KAT6A: variants seen among roughly 807,000 people sequenced by gnomAD.
KAT6A encodes lysine acetyltransferase 6A, also known as histone acetyltransferase KAT6A.
A neutral mutation model predicts 198.4 loss-of-function variants in KAT6A; 9 were observed. That is an observed-to-expected ratio of 0.05 (90% CI 0.03 to 0.08). KAT6A has a LOEUF of 0.08. Among genes scored for constraint, KAT6A ranks in the 10% least tolerant of loss-of-function variants. The probability of loss-of-function intolerance (pLI) is 1.00; values close to 1 mark genes in which losing one functional copy is unlikely to be tolerated. For missense variants in KAT6A, 2,077 were observed against 2,509.9 expected, an observed-to-expected ratio of 0.83 and a Z score of 3.69; for synonymous variants, 890 against 883.0, an observed-to-expected ratio of 1.01 and a Z score of -0.14.
chr8:41,932,949 C>T lies in KAT6A; in HGVS notation c.5271G>A (p.Gln1757=). Residue 1757 remains glutamine, a synonymous_variant, in exon 17 of 17, where the codon CAG becomes CAA. Coordinates refer to ENST00000265713, the MANE Select transcript of KAT6A (RefSeq NM_006766.5). The part of the protein sequence containing the change: ...PSATFSLAKL[Q]QLTNTIMDPH... ...GGTCCATAATGGTGTTGGTCAGCTG[C>T]TGCAGCTTGGCTAGGCTGAAGGTGG... 1 of 1,614,164 alleles carries T rather than the reference C, an allele frequency of 6.2e-7. No homozygotes were observed. Among genetic ancestry groups the T allele is most frequent in the Non-Finnish European group, 8.5e-7 (1 of 1,180,020 alleles).
At chr8:42,004,033 A>G (rs146845776) in intron 2 of KAT6A, among the ~76,000 whole-genome samples, 38 of 152,352 alleles carry the variant, frequency 2.5e-4, no homozygotes, top group South Asian at 1.9e-3. Flanking sequence ...GTAGTCAGCT[A>G]GTGAAATCAC....
At position 41,930,295 on chromosome 8, in the gene KAT6A, G is replaced by T. The variant is rs922781515; in HGVS notation, c.*1910C>A. 1.5e-4 allele frequency: 21 copies of T among 136,678 alleles called. No individual in the cohort carries two copies. The highest frequency in any genetic ancestry group is 6.7e-4 in the African/African-American group (21 of 31,160). The allele number at this position is 136,678 out of a possible 1,614,324, so 8.5% of individuals were successfully genotyped here. ...ACCAGGAAGCAATGACACAGCTGAA[G>T]ATGTAGGGCGATGGCAGCACAGTGC... On this transcript the variant is annotated 3_prime_UTR_variant, in exon 17 of 17. Coordinates refer to ENST00000265713, the MANE Select transcript of KAT6A (RefSeq NM_006766.5).
chr8:42,002,068 G>A (rs1035637103), intron 2 of KAT6A, among the ~76,000 whole-genome samples: 2 of 152,158 alleles, frequency 1.3e-5, no homozygotes, highest in Non-Finnish European at 2.9e-5. Flanking sequence ...AGCATCTACT[G>A]AGAACTTAAT....
rs189459867 is a variant in KAT6A at position 41,934,870 on chromosome 8, A to G, written c.3353-3T>C. The G allele has an allele frequency of 2.5e-6, 4 of 1,576,800 alleles. No homozygotes were observed. The highest frequency in any genetic ancestry group is 2.0e-5 in the Admixed American group (1 of 50,836). On this transcript the variant is annotated splice_region_variant and splice_polypyrimidine_tract_variant and intron_variant, in intron 16 of 16. Coordinates refer to ENST00000265713, the MANE Select transcript of KAT6A (RefSeq NM_006766.5). Reference sequence around the variant, plus strand: ...TACTGGCTTTAAGATAGGAGTGTCTATACAGGAAGGAAAAAAAACAAAGAC... The same window carrying G: ...TACTGGCTTTAAGATAGGAGTGTCTGTACAGGAAGGAAAAAAAACAAAGAC...
intron 16 of KAT6A, among the ~76,000 whole-genome samples, chr8:41,936,025 T>G (rs1314797299): frequency 6.6e-6 from 1 of 151,818 alleles, no homozygotes; most frequent in African/African-American, 2.4e-5. Context: ...ACTTTGGGAG[T>G]CCAAGGCGGG....
intron 8 of KAT6A, among the ~76,000 whole-genome samples, chr8:41,968,252 T>C (rs1384947967): frequency 6.6e-6 from 1 of 152,086 alleles, no homozygotes; most frequent in Non-Finnish European, 1.5e-5. Flanking sequence ...ATACAGAATC[T>C]ACAATGAACT....
At chr8:42,022,373 A>C (rs992000417) in intron 2 of KAT6A, among the ~76,000 whole-genome samples, 8 of 81,352 alleles carry the variant, frequency 9.8e-5, no homozygotes, top group African/African-American at 5.9e-4. Context: ...GCAACATAGT[A>C]ACAGTTTAAA....
At chr8:42,032,871 C>CTTTTTTTTTTTTTTTTTTT in intron 2 of KAT6A, among the ~76,000 whole-genome samples, 1 of 76,518 alleles carries the variant, frequency 1.3e-5, no homozygotes, top group Non-Finnish European at 2.4e-5. Flanking sequence ...AAAACCTTGG[C>CTTTTTTTTTTTTTTTTTTT]TTTTTTTTTT....
At chr8:41,957,103 T>C (rs760606786) in intron 8 of KAT6A, 2 of 605,128 alleles carry the variant, frequency 3.3e-6, no homozygotes, top group South Asian at 2.8e-5. Context: ...CCCGCTGCTC[T>C]TCTAGGCGGA....
In KAT6A at chr8:41,987,479, A is replaced by C; in HGVS notation, c.685T>G (p.Ser229Ala). Residue 229 changes from serine (S) to alanine (A), a missense_variant, in exon 3 of 17, where the codon TCC becomes GCC. Ser to Ala is a moderately conservative substitution (Grantham distance 99). Coordinates refer to ENST00000265713, the MANE Select transcript of KAT6A (RefSeq NM_006766.5). ...CCACTGTTGCCACAGTCGGCACAGG[A>C]GATGAGTTCCTCTGGCTTCTTTTCT... ...NREKKPEELI[S>A]CADCGNSGHP... 1 of 1,609,284 alleles carries C rather than the reference A, an allele frequency of 6.2e-7. No homozygotes were observed. Among genetic ancestry groups the C allele is most frequent in the Non-Finnish European group, 8.5e-7 (1 of 1,175,544 alleles).
rs1827593126 is a variant in KAT6A at position 42,040,304 on chromosome 8, T to C, written c.600+8074A>G. ...ACGAGGTTAAGACCATTAGAACCTC[T>C]GGATTTCTATTCCTGAAGCCATTTG... is the stretch of plus-strand genomic sequence containing the variant. On this transcript the variant is annotated intron_variant, in intron 2 of 16. Coordinates refer to ENST00000265713, the MANE Select transcript of KAT6A (RefSeq NM_006766.5). 2.0e-5 allele frequency among the ~76,000 whole-genome samples: 3 copies of C among 152,340 alleles called. No homozygotes were observed. In the South Asian group the frequency reaches 6.2e-4, roughly 32 times the overall value.
chr8:41,988,249 G>A (rs543925590), intron 2 of KAT6A, among the ~76,000 whole-genome samples: 4 of 152,136 alleles, frequency 2.6e-5, no homozygotes, highest in African/African-American at 9.6e-5. Flanking sequence ...AGTCTGGTAA[G>A]GCCAATGCTT....
intron 2 of KAT6A, among the ~76,000 whole-genome samples, chr8:42,046,775 T>C (rs933105845): frequency 6.6e-6 from 1 of 152,150 alleles, no homozygotes; most frequent in Non-Finnish European, 1.5e-5. Context: ...TAATTACTTG[T>C]CTACCCTGAA....
intron 2 of KAT6A, among the ~76,000 whole-genome samples, chr8:42,022,065 G>A (rs140852179): frequency 1.1e-4 from 17 of 151,996 alleles, no homozygotes; most frequent in East Asian, 3.9e-4. Flanking sequence ...AATATACTAC[G>A]GCAAATCGTT....
chr8:41,955,855 C>G (rs1169389905), intron 8 of KAT6A, among the ~76,000 whole-genome samples: 1 of 152,146 alleles, frequency 6.6e-6, no homozygotes, highest in Admixed American at 6.5e-5. Context: ...TATGTAAGCA[C>G]ACAAAGGATG....
At chr8:42,016,682 T>C (rs1402126479) in intron 2 of KAT6A, among the ~76,000 whole-genome samples, 1 of 152,100 alleles carries the variant, frequency 6.6e-6, no homozygotes, top group Non-Finnish European at 1.5e-5. Flanking sequence ...GATACAGAGA[T>C]ATACAAGTAG....
At position 41,933,909 on chromosome 8, in the gene KAT6A, A is replaced by G. The variant is rs34692005; in HGVS notation, c.4311T>C (p.Ser1437=). Residue 1437 remains serine, a synonymous_variant, in exon 17 of 17, where the codon AGT becomes AGC. Coordinates refer to ENST00000265713, the MANE Select transcript of KAT6A (RefSeq NM_006766.5). This position sits in a 1 kb window ranked among gnomAD's most constrained non-coding sequence, Gnocchi z 6.2. The part of the protein sequence containing the change: ...AVQSLTQEES[S]EHEGAYQDCE... ...AGTCCTGGTAGGCGCCCTCATGCTC[A>G]CTGCTTTCTTCTTGAGTCAAAGACT... 1.2e-6 allele frequency: 2 copies of G among 1,613,952 alleles called. No individual in the cohort carries two copies. Among genetic ancestry groups the G allele is most frequent in the African/African-American group, 2.7e-5 (2 of 74,888 alleles).
In KAT6A at chr8:41,933,608, C is replaced by T. The variant is rs765950779; in HGVS notation, c.4612G>A (p.Val1538Ile). The T allele has an allele frequency of 6.8e-6, 11 of 1,614,010 alleles. No homozygotes were observed. Among genetic ancestry groups the T allele is most frequent in the Middle Eastern group, 1.6e-4 (1 of 6,084 alleles). The change falls in exon 17 of 17, where the codon GTA (valine) becomes ATA (isoleucine). Residue 1538 changes from valine to isoleucine, a missense_variant. Physicochemically the swap from Val to Ile is conservative, Grantham distance 29. Transcript: ENST00000265713. This position sits in a 1 kb window ranked among gnomAD's most constrained non-coding sequence, Gnocchi z 6.2. ...ETSPMMDVPS[V>I]SDHSQQVVDS... is the part of the protein sequence containing the mutation. ...ACCACCTGCTGAGAGTGGTCTGATA[C>T]GGAAGGCACATCCATCATGGGGCTG...
rs371108407 is a variant in KAT6A at position 42,032,294 on chromosome 8, G to A, written c.600+16084C>T. On this transcript the variant is annotated intron_variant, in intron 2 of 16. Transcript: ENST00000265713. ...ATATAATTCTGACTAAGTAAAACTT[G>A]GCAATCATAGCACCTGGACTGCCTA... Among the ~76,000 whole-genome samples the A allele has an allele frequency of 5.3e-5, 8 of 152,144 alleles. No homozygotes were observed. In the East Asian group the frequency reaches 1.4e-3, roughly 26 times the overall value.
Sources: gnomAD v4.1 joint callset for allele counts (sites outside exome capture counted in the v4.1 genomes callset) on GRCh38, gnomAD v4.1.1 for gene constraint, Gnocchi (gnomAD v3.1) non-coding constraint, MANE v1.5 for transcripts, NCBI Gene and HGNC (gene_info 2026-07-23, HGNC 2026-07-21) for gene names.